NGEF: variants seen among roughly 807,000 people sequenced by gnomAD.
NGEF encodes the protein ephexin-1.
In NGEF, 31 loss-of-function variants were observed where a neutral mutation model predicts 80.9. The ratio of observed to expected loss-of-function variants is 0.38; its 90% CI spans 0.29 to 0.52. NGEF has a LOEUF of 0.52. Among genes scored for constraint, NGEF ranks in the 20% least tolerant of loss-of-function variants. NGEF has a pLI of 0.84. For synonymous variants in NGEF, 371 were observed against 370.2 expected (o/e 1.00, Z -0.03); for missense variants, 709 against 926.2 (o/e 0.77, Z 3.04).
At chr2:232,980,745 C>A (rs1332985927) in intron 1 of NGEF, among the ~76,000 whole-genome samples, 1 of 152,132 alleles carries the variant, frequency 6.6e-6, no homozygotes, top group Non-Finnish European at 1.5e-5. Flanking sequence ...GTGATCCACC[C>A]ACCTCAGCCT....
At chr2:232,926,337 G>A (rs1409525696) in intron 4 of NGEF, among the ~76,000 whole-genome samples, 1 of 92,878 alleles carries the variant, frequency 1.1e-5, no homozygotes, top group African/African-American at 3.4e-5. Context: ...TGTCACTAGC[G>A]ATTTTTTTTT....
At chr2:232,907,460 C>T (rs1692592841) in intron 5 of NGEF, among the ~76,000 whole-genome samples, 1 of 152,150 alleles carries the variant, frequency 6.6e-6, no homozygotes, top group African/African-American at 2.4e-5. Context: ...AACATGCAAT[C>T]TGAAGATCCC....
At chr2:233,002,713 G>T (rs969525559) in intron 1 of NGEF, among the ~76,000 whole-genome samples, 1 of 152,186 alleles carries the variant, frequency 6.6e-6, no homozygotes, top group Non-Finnish European at 1.5e-5. Flanking sequence ...ATTGATTGAC[G>T]TTCAGGAAAC....
At chr2:232,997,363 G>A (rs545341970) in intron 1 of NGEF, among the ~76,000 whole-genome samples, 17 of 152,266 alleles carry the variant, frequency 1.1e-4, no homozygotes, top group South Asian at 8.3e-4. Context: ...GGGGCAGCAC[G>A]CCTCACAGGG....
intron 1 of NGEF, among the ~76,000 whole-genome samples, chr2:233,003,754 T>C (rs1695030007): frequency 6.6e-6 from 1 of 151,258 alleles, no homozygotes; most frequent in Non-Finnish European, 1.5e-5. Flanking sequence ...CAATACAACA[T>C]AAAAGTGCCA....
intron 3 of NGEF, among the ~76,000 whole-genome samples, chr2:232,942,870 G>A (rs1356985663): frequency 1.5e-5 from 2 of 131,292 alleles, no homozygotes; most frequent in African/African-American, 5.4e-5. Context: ...ATTTTCCGGG[G>A]GGGAGTCAGT....
At chr2:232,943,895 C>T (rs2106299372) in intron 3 of NGEF, among the ~76,000 whole-genome samples, 1 of 152,144 alleles carries the variant, frequency 6.6e-6, no homozygotes, top group South Asian at 2.1e-4. Context: ...GAGAACAAAA[C>T]TATCCAACCT....
chr2:232,882,390 C>T lies in NGEF; in HGVS notation c.1758-125G>A. ...CCACCATCCTGAGCACCGCTCAAGC[C>T]CACCCCAGGGACAGCTCGGGGGAGC... is the stretch of plus-strand genomic sequence containing the variant. On this transcript the variant is annotated intron_variant, in intron 12 of 14. Transcript: ENST00000264051. 4.6e-6 allele frequency: 4 copies of T among 861,756 alleles called. No homozygotes were observed. The South Asian group carries it at 6.3e-5, about 14-fold the overall frequency. The allele number at this position is 861,756 out of a possible 1,614,324, so 53.4% of individuals were successfully genotyped here.
intron 8 of NGEF, 41 bp from the exon 9 acceptor site, chr2:232,888,148 G>A: frequency 2.0e-6 from 3 of 1,486,654 alleles, no homozygotes; most frequent in Non-Finnish European, 2.7e-6. Context: ...AATCTTTTCT[G>A]GTCTTTCCTC....
chr2:232,925,846 C>T (rs908717592), intron 4 of NGEF, among the ~76,000 whole-genome samples: 6 of 152,190 alleles, frequency 3.9e-5, no homozygotes, highest in Non-Finnish European at 8.8e-5. Flanking sequence ...CCTCTCCATT[C>T]CCTCAGCAAA....
chr2:232,926,702 TCCCCGCTGCACAGCTCAG>T (rs1449046888), intron 4 of NGEF, among the ~76,000 whole-genome samples: 4 of 152,136 alleles, frequency 2.6e-5, no homozygotes, highest in African/African-American at 9.7e-5. Context: ...AGTGGAGTCC[TCCCCGCTGCACAGCTCAG>T]CCGCGCTGCT....
chr2:232,905,862 CG>C, intron 5 of NGEF: 2 of 189,104 alleles, frequency 1.1e-5, no homozygotes, highest in South Asian at 7.8e-5. Flanking sequence ...GGAGCGTCTC[CG>C]TCCGGCAGCC....
intron 3 of NGEF, among the ~76,000 whole-genome samples, chr2:232,950,377 C>A (rs1559220912): frequency 6.6e-6 from 1 of 152,212 alleles, no homozygotes; most frequent in Admixed American, 6.5e-5. Context: ...AAAGGAACTT[C>A]TTTCTAAAGG....
chr2:232,947,488 C>T (rs893254894), intron 3 of NGEF, among the ~76,000 whole-genome samples: 4 of 152,106 alleles, frequency 2.6e-5, no homozygotes, highest in Non-Finnish European at 5.9e-5. Context: ...GCGATTTCCC[C>T]CATGCTGTTC....
chr2:232,906,785 G>C (rs1320734227), intron 5 of NGEF, among the ~76,000 whole-genome samples: 2 of 151,580 alleles, frequency 1.3e-5, no homozygotes, highest in Non-Finnish European at 2.9e-5. Context: ...TGGTTGCGGT[G>C]TCTGTGTAGA....
intron 3 of NGEF, among the ~76,000 whole-genome samples, chr2:232,939,946 G>A (rs1054753790): frequency 1.3e-5 from 2 of 151,570 alleles, no homozygotes; most frequent in African/African-American, 4.9e-5. Context: ...GCAGTGAGCC[G>A]AGATCATGTC....
At chr2:232,884,412 G>A (rs1193254965) in intron 10 of NGEF, among the ~76,000 whole-genome samples, 1 of 152,186 alleles carries the variant, frequency 6.6e-6, no homozygotes, top group African/African-American at 2.4e-5. Flanking sequence ...GGACTGTGTT[G>A]TGTACCCACA....
intron 5 of NGEF, among the ~76,000 whole-genome samples, chr2:232,905,448 G>A (rs866733663): frequency 6.6e-6 from 1 of 152,168 alleles, no homozygotes; most frequent in Non-Finnish European, 1.5e-5. Context: ...ATCTCGGCTC[G>A]CTACAACCTC....
At chr2:232,944,726 A>AATAT (rs57851903) in intron 3 of NGEF, among the ~76,000 whole-genome samples, 6,907 of 107,728 alleles carry the variant, frequency 0.064, 415 homozygotes, top group Non-Finnish European at 0.097. Context: ...GACTTTTCCG[A>AATAT]ATATATATAT....
Sources: allele counts gnomAD v4.1 joint callset (sites outside exome capture counted in the v4.1 genomes callset), GRCh38; gene constraint gnomAD v4.1.1; transcripts MANE v1.5; gene names NCBI Gene and HGNC (gene_info 2026-07-23, HGNC 2026-07-21).